APOA5: variants seen among roughly 807,000 people sequenced by gnomAD.
APOA5 encodes the protein apolipoprotein A-V.
APOA5 carries 26 observed loss-of-function variants against 31.8 expected under a neutral mutation model. The ratio of observed to expected loss-of-function variants is 0.82; its 90% CI spans 0.60 to 1.13. APOA5 has a LOEUF of 1.13. Among genes scored for constraint, APOA5 ranks in the 50% most tolerant of loss-of-function variants. The probability of loss-of-function intolerance (pLI) is 0.00; values close to 1 mark genes in which losing one functional copy is unlikely to be tolerated. For missense variants in APOA5, 450 were observed against 488.0 expected, an observed-to-expected ratio of 0.92 and a Z score of 0.73; for synonymous variants, 186 against 198.5, an observed-to-expected ratio of 0.94 and a Z score of 0.53.
rs774956482 is a variant in APOA5, at chr11:116,791,790, G to C, written c.49+22C>G. The C allele has an allele frequency of 3.1e-6, 5 of 1,614,214 alleles. No homozygotes were observed. The South Asian group carries it at 5.5e-5, about 18-fold the overall frequency. ...CAGCCTCCACCCACACCCCCACGTTGAAGTCAGGGTCGGAGACCCACCTGA... is the reference window on the plus strand; with the variant it reads ...CAGCCTCCACCCACACCCCCACGTTCAAGTCAGGGTCGGAGACCCACCTGA... On this transcript the variant is annotated intron_variant, in intron 1 of 2. Coordinates refer to ENST00000227665, the MANE Select transcript of APOA5 (RefSeq NM_001371904.1).
chr11:116,791,005 C>T lies in APOA5; in HGVS notation c.224G>A (p.Arg75Lys), dbSNP rs773108378. The change falls in exon 3 of 3, where the codon AGG becomes AAG. Residue 75 changes from arginine to lysine, a missense_variant. Arg to Lys is a conservative substitution (Grantham distance 26). Coordinates refer to ENST00000227665, the MANE Select transcript of APOA5 (RefSeq NM_001371904.1). ...AGGAGCCTCGCTCCCACTCAGAGGC[C>T]TCAGCTTTTCCAGGAACTTGTTCAT... ...NNMNKFLEKL[R>K]PLSGSEAPRL... The T allele has an allele frequency of 1.7e-5, 28 of 1,611,112 alleles. No homozygotes were observed. Among genetic ancestry groups the T allele is most frequent in the Non-Finnish European group, 2.4e-5 (28 of 1,178,764 alleles).
rs756397368 is a variant in APOA5, at chr11:116,791,799, G to T, written c.49+13C>A. The T allele has an allele frequency of 1.2e-6, 2 of 1,614,124 alleles. No individual in the cohort carries two copies. Among genetic ancestry groups the T allele is most frequent in the Admixed American group, 1.7e-5 (1 of 60,016 alleles). ...CCCACACCCCCACGTTGAAGTCAGG[G>T]TCGGAGACCCACCTGAAAGAAGAGC... is the stretch of plus-strand genomic sequence containing the variant. On this transcript the variant is annotated intron_variant, in intron 1 of 2. Transcript: ENST00000227665.
Position 116,791,572 on chromosome 11 carries a change from C to G in APOA5, c.161+14G>C, listed in dbSNP as rs758953238. 23 of 1,588,970 alleles carry G rather than the reference C, an allele frequency of 1.4e-5. No homozygotes were observed. Among genetic ancestry groups the G allele is most frequent in the Non-Finnish European group, 1.9e-5 (22 of 1,168,544 alleles). On this transcript the variant is annotated intron_variant, in intron 2 of 2. Coordinates refer to ENST00000227665, the MANE Select transcript of APOA5 (RefSeq NM_001371904.1). ...CTCCTCCCTTCGCCTACACCCCTTC[C>G]CCTGGGCACTCACGCGGGCTCGCGA...
At chr11:116,792,369 C>A, upstream of APOA5, 1 of 221,976 alleles carries the variant, frequency 4.5e-6, no homozygotes. Context: ...CCCTCTGCCC[C>A]AGCTGCTCAC....
rs370089477 is a variant in APOA5 at position 116,790,327 on chromosome 11, C to T, written c.902G>A (p.Arg301His). The T allele has an allele frequency of 6.2e-7, 1 of 1,614,192 alleles. No individual in the cohort carries two copies. Among genetic ancestry groups the T allele is most frequent in the Non-Finnish European group, 8.5e-7 (1 of 1,180,056 alleles). ...CTCCTCAGTCTCCTGGTCGATGGCG[C>T]GAGTGAAGGCAGCTATCTGCAGGTA... Reference protein sequence around the residue: ...DTYLQIAAFTRAIDQETEEVQ... With the variant: ...DTYLQIAAFTHAIDQETEEVQ... The change falls in exon 3 of 3, where the codon CGC becomes CAC. Residue 301 changes from arginine (R) to histidine (H), a missense_variant. Arg to His is a conservative substitution (Grantham distance 29, BLOSUM62 0). Transcript: ENST00000227665.
Position 116,789,879 on chromosome 11 carries a change from A to G in APOA5, c.*249T>C. 1 of 585,068 alleles carries G rather than the reference A, an allele frequency of 1.7e-6. No homozygotes were observed. Among genetic ancestry groups the G allele is most frequent in the South Asian group, 2.0e-5 (1 of 50,594 alleles). The allele number at this position is 585,068 out of a possible 1,614,324, so 36.2% of individuals were successfully genotyped here. A position where few individuals can be genotyped will look rare whatever the true frequency, so the allele number is the denominator to read the frequency against. On this transcript the variant is annotated 3_prime_UTR_variant, in exon 3 of 3. Transcript: ENST00000227665. ...CCCTCACCCTTGAATGGAGTAACTC[A>G]TGAGCATTCCCAAATGAGCACTGGG...
Position 116,789,789 on chromosome 11 carries a change from C to T in APOA5, c.*339G>A. 1 of 404,904 alleles carries T rather than the reference C, an allele frequency of 2.5e-6. No homozygotes were observed. The highest frequency in any genetic ancestry group is 4.7e-6 in the Non-Finnish European group (1 of 214,254). The allele number at this position is 404,904 out of a possible 1,614,324, so 25.1% of individuals were successfully genotyped here. A position where few individuals can be genotyped will look rare whatever the true frequency, so the allele number is the denominator to read the frequency against. ...CTCCAGGATGTAGTGGCACAGGCTT[C>T]CAGCATCACGGCAAACAGGCTTGCA... On this transcript the variant is annotated 3_prime_UTR_variant, in exon 3 of 3. Coordinates refer to ENST00000227665, the MANE Select transcript of APOA5 (RefSeq NM_001371904.1).
upstream of APOA5, chr11:116,792,307 G>C (rs1041049134): frequency 3.4e-6 from 1 of 291,544 alleles, no homozygotes; most frequent in African/African-American, 2.2e-5. Flanking sequence ...GCCACCCCAG[G>C]CTCTCCCCTG....
At position 116,790,543 on chromosome 11, in the gene APOA5, TGCACGCAGCGACTGAG is replaced by T; in HGVS notation, c.670_685del (p.Leu224ArgfsTer68). On this transcript the variant is annotated frameshift_variant, in exon 3 of 3. Coordinates refer to ENST00000227665, the MANE Select transcript of APOA5 (RefSeq NM_001371904.1). LOFTEE classifies it high-confidence loss of function. The stretch of plus-strand genomic sequence containing the variant: ...GAGCGTGAGCTTCCGGGAGAGCACC[TGCACGCAGCGACTGAG>T]GCGCGCGGGGCTGGCGGGGGCGTGC... The T allele has an allele frequency of 6.3e-7, 1 of 1,598,946 alleles. No individual in the cohort carries two copies. The highest frequency in any genetic ancestry group is 8.5e-7 in the Non-Finnish European group (1 of 1,176,934).
At position 116,790,711 on chromosome 11, in the gene APOA5, A is replaced by C. The variant is rs781745888; in HGVS notation, c.518T>G (p.Leu173Arg). The change falls in exon 3 of 3, where the codon CTG (leucine) becomes CGG (arginine). Residue 173 changes from leucine (L) to arginine (R), a missense_variant. Coordinates refer to ENST00000227665, the MANE Select transcript of APOA5 (RefSeq NM_001371904.1). ...LGGVDEAWAL[L>R]QGLQSRVVHH... ...CACCACGCGGCTCTGCAGTCCCTGC[A>C]GCAAAGCCCAAGCCTCGTCCACGCC... The C allele has an allele frequency of 6.2e-7, 1 of 1,612,982 alleles. No individual in the cohort carries two copies. The highest frequency in any genetic ancestry group is 1.1e-5 in the South Asian group (1 of 91,072).
chr11:116,789,948 G>A lies in APOA5; in HGVS notation c.*180C>T. 1.5e-6 allele frequency: 1 copy of A among 658,586 alleles called. No individual in the cohort carries two copies. The highest frequency in any genetic ancestry group is 1.8e-5 in the South Asian group (1 of 55,788). The allele number at this position is 658,586 out of a possible 1,614,324, so 40.8% of individuals were successfully genotyped here. On this transcript the variant is annotated 3_prime_UTR_variant, in exon 3 of 3. Transcript: ENST00000227665. ...CTGGTGAATGTAATGCATCCAGATT[G>A]GGGAGTCGCAGGAGGCTGGATGTGC...
chr11:116,791,267 CT>C, intron 2 of APOA5, 200 bp from the exon 3 acceptor site: 1 of 707,098 alleles, frequency 1.4e-6, no homozygotes, highest in South Asian at 1.5e-5. Flanking sequence ...AAATCCAGAC[CT>C]ACAACACTCT....
intron 2 of APOA5, 179 bp from the exon 3 acceptor site, chr11:116,791,246 A>G (rs1941005558): frequency 2.8e-6 from 2 of 711,104 alleles, no homozygotes; most frequent in Non-Finnish European, 5.1e-6. Context: ...GCACAAACAC[A>G]TTGCCCATAC....
chr11:116,790,647 G>T lies in APOA5; in HGVS notation c.582C>A (p.Tyr194Ter). The change falls in exon 3 of 3, where the codon TAC becomes TAA. Residue 194 changes from tyrosine (Y) to a stop codon, truncating the protein, a stop_gained. Coordinates refer to ENST00000227665, the MANE Select transcript of APOA5 (RefSeq NM_001371904.1). LOFTEE classifies it high-confidence loss of function. ...CGATGCCGCTCACCAGGCTCTCGGC[G>T]TATGGGTGGAAGAGCTCTTTGAAGC... Reference protein sequence around the residue: ...TGRFKELFHPYAESLVSGIGR... With the variant: ...TGRFKELFHP 6.2e-7 allele frequency: 1 copy of T among 1,611,794 alleles called. No individual in the cohort carries two copies.
chr11:116,790,318 T>C lies in APOA5; in HGVS notation c.911A>G (p.Asp304Gly). 6.2e-7 allele frequency: 1 copy of C among 1,614,222 alleles called. No individual in the cohort carries two copies. The highest frequency in any genetic ancestry group is 8.5e-7 in the Non-Finnish European group (1 of 1,180,034). The change falls in exon 3 of 3, where the codon GAC becomes GGC. Residue 304 changes from aspartate to glycine, a missense_variant. Transcript: ENST00000227665. ...CTGCTGGACCTCCTCAGTCTCCTGG[T>C]CGATGGCGCGAGTGAAGGCAGCTAT... is the stretch of plus-strand genomic sequence containing the variant. ...LQIAAFTRAI[D>G]QETEEVQQQL...
rs2072560 is a variant in APOA5 at position 116,791,110 on chromosome 11, T to C, written c.162-43A>G. ...TATCCAGGCCGTCAGACTGCTAGCC[T>C]CCATCATCTCCTTTGTCCCCAAGTC... On this transcript the variant is annotated intron_variant, in intron 2 of 2. Coordinates refer to ENST00000227665, the MANE Select transcript of APOA5 (RefSeq NM_001371904.1). 0.93 allele frequency: 1,380,954 copies of C among 1,492,902 alleles called. 640,542 individuals are homozygous for C. The highest frequency in any genetic ancestry group is 0.99 in the African/African-American group (71,753 of 72,654). The allele number at this position is 1,492,902 out of a possible 1,614,324, so 92.5% of individuals were successfully genotyped here.
Position 116,790,561 on chromosome 11 carries a change from C to T in APOA5, c.668G>A (p.Arg223His), listed in dbSNP as rs774006043. The change falls in exon 3 of 3, where the codon CGC (arginine) becomes CAC (histidine). Residue 223 changes from arginine to histidine, a missense_variant. By Grantham distance (29) the Arg-to-His change is conservative. Coordinates refer to ENST00000227665, the MANE Select transcript of APOA5 (RefSeq NM_001371904.1). ...VAPHAPASPARLSRCVQVLSR... is the reference protein window; with the variant it reads ...VAPHAPASPAHLSRCVQVLSR... ...GAGCACCTGCACGCAGCGACTGAGG[C>T]GCGCGGGGCTGGCGGGGGCGTGCGG... is the stretch of plus-strand genomic sequence containing the variant. 6.2e-7 allele frequency: 1 copy of T among 1,600,172 alleles called. No homozygotes were observed. Among genetic ancestry groups the T allele is most frequent in the South Asian group, 1.1e-5 (1 of 90,870 alleles).
upstream of APOA5, among the ~76,000 whole-genome samples, chr11:116,792,110 G>A (rs550666378): frequency 6.6e-6 from 1 of 152,270 alleles, no homozygotes; most frequent in East Asian, 1.9e-4. Context: ...CAGTCACATA[G>A]CAGGGAGCGT....
In APOA5 at chr11:116,790,646, C is replaced by T. The variant is rs1940989750; in HGVS notation, c.583G>A (p.Ala195Thr). The T allele has an allele frequency of 6.2e-7, 1 of 1,611,626 alleles. No individual in the cohort carries two copies. Among genetic ancestry groups the T allele is most frequent in the Non-Finnish European group, 8.5e-7 (1 of 1,179,846 alleles). The change falls in exon 3 of 3, where the codon GCC becomes ACC. Residue 195 changes from alanine (A) to threonine (T), a missense_variant. Ala to Thr is a moderately conservative substitution (Grantham distance 58). Transcript: ENST00000227665. ...CCGATGCCGCTCACCAGGCTCTCGG[C>T]GTATGGGTGGAAGAGCTCTTTGAAG... ...GRFKELFHPY[A>T]ESLVSGIGRH...
Sources: gnomAD v4.1 joint callset for allele counts (sites outside exome capture counted in the v4.1 genomes callset) on GRCh38, gnomAD v4.1.1 for gene constraint, MANE v1.5 for transcripts, NCBI Gene and HGNC (gene_info 2026-07-23, HGNC 2026-07-21) for gene names.